The following PPT1 variants were observed in gnomAD, a reference collection of about 807,000 sequenced individuals.
PPT1 encodes the protein ceroid-palmitoyl-palmitoyl-protein thioesterase 1.
PPT1 carries 24 observed loss-of-function variants against 44.0 expected under a neutral mutation model. The ratio of observed to expected loss-of-function variants is 0.54; its 90% confidence interval spans 0.39 to 0.77. PPT1 has a LOEUF of 0.77. Ranked by LOEUF, PPT1 falls within the 30% of genes least tolerant of loss-of-function variation. PPT1 has a pLI of 0.00. For synonymous variants in PPT1, 148 were observed against 140.2 expected (o/e 1.06, Z -0.39); for missense variants, 341 against 378.8 (o/e 0.90, Z 0.83).
intron 5 of PPT1, chr1:40,082,320 C>G (rs1056922905): frequency 1.3e-5 from 2 of 151,898 alleles, no homozygotes; most frequent in African/African-American, 4.8e-5. Flanking sequence ...GCAGATGAGA[C>G]TGAAGTTAAA....
At chr1:40,092,716 C>A (rs1649636451) in intron 1 of PPT1, among the ~76,000 whole-genome samples, 1 of 152,078 alleles carries the variant, frequency 6.6e-6, no homozygotes, top group East Asian at 1.9e-4. Flanking sequence ...AAAAAGATAA[C>A]CTAATTTAAA....
intron 8 of PPT1, among the ~76,000 whole-genome samples, chr1:40,074,490 C>T (rs948458531): frequency 1.7e-4 from 22 of 128,414 alleles, no homozygotes; most frequent in Admixed American, 5.5e-4. Flanking sequence ...TCTTTCAAGA[C>T]GGAGTCTTGC....
intron 5 of PPT1, among the ~76,000 whole-genome samples, chr1:40,084,211 T>C (rs1649133312): frequency 1.3e-5 from 2 of 152,248 alleles, no homozygotes; most frequent in Middle Eastern, 3.4e-3. Flanking sequence ...GCAGGAGAAC[T>C]AGAATTAGAA....
intron 8 of PPT1, among the ~76,000 whole-genome samples, chr1:40,075,638 T>C (rs899241657): frequency 5.3e-5 from 8 of 152,024 alleles, no homozygotes; most frequent in Non-Finnish European, 1.2e-4. Flanking sequence ...TCAGATGTAG[T>C]ACTTAGCATT....
chr1:40,096,955 TTC>T (rs1649888721), intron 1 of PPT1, 158 bp downstream of exon 1: 2 of 1,327,776 alleles, frequency 1.5e-6, no homozygotes, highest in Non-Finnish European at 2.1e-6. Context: ...CTCCTTCCCC[TTC>T]TCTCTTTCCA....
At chr1:40,086,267 G>A (rs933857674) in intron 5 of PPT1, among the ~76,000 whole-genome samples, 16 of 152,230 alleles carry the variant, frequency 1.1e-4, no homozygotes, top group South Asian at 4.1e-4. Context: ...GGAGCAAACC[G>A]GAGGAAGGAG....
In PPT1 at chr1:40,092,026, A is replaced by AT; in HGVS notation, c.362+18dup. On this transcript the variant is annotated intron_variant, in intron 3 of 8. Coordinates refer to ENST00000642050, the MANE Select transcript of PPT1 (RefSeq NM_000310.4). ...ATCAATTCCATATAAGTGGTACAAT[A>AT]TAACAAAAAGGAACGTACAGAAATT... The AT allele has an allele frequency of 6.2e-6, 10 of 1,613,854 alleles. No individual in the cohort carries two copies. The highest frequency in any genetic ancestry group is 6.8e-6 in the Non-Finnish European group (8 of 1,179,806).
intron 7 of PPT1, among the ~76,000 whole-genome samples, chr1:40,077,412 C>T (rs759573764): frequency 1.1e-4 from 17 of 152,148 alleles, no homozygotes; most frequent in African/African-American, 3.6e-4. Context: ...TAAAACTGTT[C>T]CAATAAGGAC....
chr1:40,080,030 T>G (rs1196804084), intron 6 of PPT1, among the ~76,000 whole-genome samples: 2 of 152,184 alleles, frequency 1.3e-5, no homozygotes, highest in Admixed American at 1.3e-4. Context: ...ACTCAGTGCC[T>G]ACTGTATCTC....
chr1:40,081,064 G>A (rs1648912253), intron 5 of PPT1, among the ~76,000 whole-genome samples: 1 of 152,162 alleles, frequency 6.6e-6, no homozygotes, highest in South Asian at 2.1e-4. Context: ...TGTGACACTG[G>A]GGTTTATCAT....
Position 40,072,970 on chromosome 1 carries a change from G to A in PPT1, c.*1091C>T, listed in dbSNP as rs2124463471. The stretch of plus-strand genomic sequence containing the variant: ...ACAGAGTGGGGACTATGATTTCCAT[G>A]CTCAAATAGTGTAGGAAATGGTAGA... On this transcript the variant is annotated 3_prime_UTR_variant, in exon 9 of 9. Coordinates refer to ENST00000642050, the MANE Select transcript of PPT1 (RefSeq NM_000310.4). The A allele has an allele frequency of 6.6e-6, 1 of 152,310 alleles. No individual in the cohort carries two copies. The highest frequency in any genetic ancestry group is 2.4e-5 in the African/African-American group (1 of 41,566). The allele number at this position is 152,310 out of a possible 1,614,324, so 9.4% of individuals were successfully genotyped here. A position where few individuals can be genotyped will look rare whatever the true frequency, so the allele number is the denominator to read the frequency against.
In PPT1 at chr1:40,073,950, G is replaced by T; in HGVS notation, c.*111C>A. The T allele has an allele frequency of 7.2e-7, 1 of 1,396,828 alleles. No homozygotes were observed. The highest frequency in any genetic ancestry group is 1.0e-6 in the Non-Finnish European group (1 of 992,260). 86.5% of individuals were successfully genotyped at this position (1,396,828 alleles called of 1,614,324 possible). Reference sequence around the variant, plus strand: ...AGTAGGGCATGTTAGATGATAGAAGGATTAGTTGCAAGCTGGATCTGAGCT... The same window carrying T: ...AGTAGGGCATGTTAGATGATAGAAGTATTAGTTGCAAGCTGGATCTGAGCT... On this transcript the variant is annotated 3_prime_UTR_variant, in exon 9 of 9. Transcript: ENST00000642050.
intron 8 of PPT1, 74 bp downstream of exon 8, chr1:40,076,768 A>G (rs1648650407): frequency 1.2e-6 from 2 of 1,610,682 alleles, no homozygotes; most frequent in Admixed American, 3.3e-5. Context: ...CTCCAGCACC[A>G]AAGAACATAG....
intron 5 of PPT1, among the ~76,000 whole-genome samples, chr1:40,084,647 AAAC>A (rs1005241678): frequency 2.0e-5 from 3 of 152,234 alleles, no homozygotes; most frequent in Admixed American, 2.0e-4. Context: ...AAAATATATA[AAAC>A]AACAAGAGTT....
At chr1:40,090,301 A>G (rs1039352206) in intron 4 of PPT1, among the ~76,000 whole-genome samples, 3 of 152,118 alleles carry the variant, frequency 2.0e-5, no homozygotes, top group African/African-American at 7.2e-5. Context: ...ACAGGTGTAC[A>G]CCACCATGTG....
rs61692809 is a variant in PPT1 at position 40,089,370 on chromosome 1, C to T, written c.536+40G>A. 13,171 of 1,507,526 alleles carry T rather than the reference C, an allele frequency of 8.7e-3. 957 individuals carry two copies. The African/African-American group carries it at 0.16, about 18-fold the overall frequency. The allele number at this position is 1,507,526 out of a possible 1,614,324, so 93.4% of individuals were successfully genotyped here. A position where few individuals can be genotyped will look rare whatever the true frequency, so the allele number is the denominator to read the frequency against. On this transcript the variant is annotated intron_variant, in intron 5 of 8. Transcript: ENST00000642050. The stretch of plus-strand genomic sequence containing the variant: ...TGAAAGTCAGCATGATATTTTCACA[C>T]GGTGACAGGTCTGTAATCTTTTCAG...
Position 40,074,145 on chromosome 1 carries a change from C to G in PPT1, c.837G>C (p.Gln279His), listed in dbSNP as rs72937434. 6,947 of 1,614,148 alleles carry G rather than the reference C, an allele frequency of 4.3e-3. 254 individuals are homozygous for G. The African/African-American group carries it at 0.083, about 19-fold the overall frequency. ...CCCCTTCTGTAGCCAGAAACACTAG[C>G]TGTCCTGCATTGTCCATTTCCTTTA... ...LGLKEMDNAG[Q>H]LVFLATEGDH... is the part of the protein sequence containing the mutation. Residue 279 changes from glutamine to histidine, a missense_variant, in exon 9 of 9, where the codon CAG becomes CAC. Transcript: ENST00000642050.
chr1:40,082,429 A>G (rs546584891), intron 5 of PPT1: 1 of 152,188 alleles, frequency 6.6e-6, no homozygotes, highest in African/African-American at 2.4e-5. Context: ...ATGCAAAAAA[A>G]AAAAAGTTCC....
At chr1:40,078,783 T>C (rs1271384565) in intron 6 of PPT1, 125 bp from the exon 7 acceptor site, 1 of 807,768 alleles carries the variant, frequency 1.2e-6, no homozygotes, top group Admixed American at 2.0e-5. Flanking sequence ...GGGTATGGGC[T>C]GTTTTCCAGC....
Sources: allele counts gnomAD v4.1 joint callset (sites outside exome capture counted in the v4.1 genomes callset), GRCh38; gene constraint gnomAD v4.1.1; transcripts MANE v1.5; gene names NCBI Gene and HGNC (gene_info 2026-07-23, HGNC 2026-07-21).